The following NRSN1 variants were observed in gnomAD, a reference collection of about 807,000 sequenced individuals.
NRSN1 encodes neurensin 1.
Under a neutral mutation model 17.3 loss-of-function variants are expected in NRSN1, and 14 were observed. The ratio of observed to expected loss-of-function variants is 0.81; its 90% confidence interval spans 0.54 to 1.27. The LOEUF is 1.27. NRSN1 is among the 50% of genes most tolerant of loss of function. The probability of loss-of-function intolerance (pLI) is 0.00; values close to 1 mark genes in which losing one functional copy is unlikely to be tolerated. For missense variants in NRSN1, 209 were observed against 235.9 expected (o/e 0.89, Z 0.75); for synonymous variants, 79 against 94.2 (o/e 0.84, Z 0.93).
At chr6:24,132,725 G>A (rs149588062) in intron 2 of NRSN1, among the ~76,000 whole-genome samples, 19 of 152,096 alleles carry the variant, frequency 1.2e-4, no homozygotes, top group South Asian at 6.3e-4. Flanking sequence ...TGTGCAGAAC[G>A]TACAGGCTTG....
intron 2 of NRSN1, among the ~76,000 whole-genome samples, chr6:24,134,004 TTG>T (rs71002461): frequency 0.026 from 3,419 of 132,894 alleles, 56 homozygotes; most frequent in African/African-American, 0.045. Context: ...ACCCAGCTAA[TTG>T]TGTGTGTGTG....
Position 24,146,058 on chromosome 6 carries a change from G to C in NRSN1, c.*112G>C. On this transcript the variant is annotated 3_prime_UTR_variant, in exon 4 of 4. Coordinates refer to ENST00000378491, the MANE Select transcript of NRSN1 (RefSeq NM_080723.5). ...GTTGACTGCCCTAGGGCTGTGTTCA[G>C]CTGTGGGCAATATAATGGGTGGACT... 8.9e-7 allele frequency: 1 copy of C among 1,118,752 alleles called. No homozygotes were observed. Among genetic ancestry groups the C allele is most frequent in the Non-Finnish European group, 1.4e-6 (1 of 733,616 alleles). 69.3% of individuals were successfully genotyped at this position (1,118,752 alleles called of 1,614,324 possible).
chr6:24,129,065 A>G (rs2113710690), intron 2 of NRSN1: 1 of 152,370 alleles, frequency 6.6e-6, no homozygotes, highest in Non-Finnish European at 1.5e-5. Flanking sequence ...TTAAATTTCC[A>G]ACACATTGAT....
chr6:24,132,688 ATAT>A (rs1449967438), intron 2 of NRSN1, among the ~76,000 whole-genome samples: 1 of 152,116 alleles, frequency 6.6e-6, no homozygotes, highest in Non-Finnish European at 1.5e-5. Context: ...CCACTTTTTA[ATAT>A]TATACTTTAA....
At chr6:24,134,907 G>C (rs1365805295) in intron 3 of NRSN1, among the ~76,000 whole-genome samples, 2 of 152,166 alleles carry the variant, frequency 1.3e-5, no homozygotes, top group Non-Finnish European at 2.9e-5. Context: ...GAAATCATTA[G>C]GTATTTAGAG....
At position 24,146,870 on chromosome 6, in the gene NRSN1, T is replaced by C. The variant is rs537118341; in HGVS notation, c.*924T>C. The C allele has an allele frequency of 3.3e-5, 5 of 152,408 alleles. No homozygotes were observed. The highest frequency in any genetic ancestry group is 2.0e-4 in the Admixed American group (3 of 15,296). 9.4% of individuals were successfully genotyped at this position (152,408 alleles called of 1,614,324 possible). The stretch of plus-strand genomic sequence containing the variant: ...TACTACCTGTGTGATCTTGGGGAAA[T>C]TATTTAACCTCTCAGTCCTAATTTT... On this transcript the variant is annotated 3_prime_UTR_variant, in exon 4 of 4. Coordinates refer to ENST00000378491, the MANE Select transcript of NRSN1 (RefSeq NM_080723.5).
intron 1 of NRSN1, among the ~76,000 whole-genome samples, chr6:24,127,622 GC>G (rs1561864549): frequency 6.6e-6 from 1 of 152,160 alleles, no homozygotes; most frequent in Admixed American, 6.5e-5. Flanking sequence ...GTAAAACTCA[GC>G]CTAATAAGTA....
chr6:24,129,175 T>G (rs1472200814), intron 2 of NRSN1: 1 of 152,254 alleles, frequency 6.6e-6, no homozygotes, highest in African/African-American at 2.4e-5. Context: ...GCATTTGTAC[T>G]CCCTTTACCT....
At position 24,145,990 on chromosome 6, in the gene NRSN1, G is replaced by C. The variant is rs1310717277; in HGVS notation, c.*44G>C. On this transcript the variant is annotated 3_prime_UTR_variant, in exon 4 of 4. Transcript: ENST00000378491. The surrounding 1 kb of genome is among the most constrained non-coding windows in gnomAD (Gnocchi z 4.4). ...TCTTCTTGTCTGATTTATGCCCGTG[G>C]TTAAAAAGAGCAGGCCAGTTTTCGA... The C allele has an allele frequency of 3.8e-6, 6 of 1,562,326 alleles. No individual in the cohort carries two copies. The highest frequency in any genetic ancestry group is 5.2e-6 in the Non-Finnish European group (6 of 1,151,644).
chr6:24,129,191 T>C (rs538667565), intron 2 of NRSN1: 1 of 152,368 alleles, frequency 6.6e-6, no homozygotes, highest in South Asian at 2.1e-4. Context: ...TACCTCTTGA[T>C]GATGCCCATT....
chr6:24,143,621 A>G (rs1229811430), intron 3 of NRSN1, among the ~76,000 whole-genome samples: 1 of 152,238 alleles, frequency 6.6e-6, no homozygotes, highest in Non-Finnish European at 1.5e-5. Context: ...AATTAAGAAC[A>G]GAAGGAAAGG....
chr6:24,143,130 G>T (rs900005816), intron 3 of NRSN1, among the ~76,000 whole-genome samples: 1 of 152,106 alleles, frequency 6.6e-6, no homozygotes, highest in Non-Finnish European at 1.5e-5. Context: ...GCACTGATTG[G>T]TGTGTTTACA....
At chr6:24,129,486 A>G (rs946158904) in intron 2 of NRSN1, 2 of 152,230 alleles carry the variant, frequency 1.3e-5, no homozygotes, top group Admixed American at 1.3e-4. Flanking sequence ...ACACTCTATC[A>G]TGTATATGGT....
intron 1 of NRSN1, 61 bp from the exon 2 acceptor site, chr6:24,128,067 G>A (rs1375566148): frequency 6.6e-6 from 1 of 152,116 alleles, no homozygotes; most frequent in Non-Finnish European, 1.5e-5. Context: ...TTATATGAAT[G>A]ACTTATGAAA....
In NRSN1 at chr6:24,145,429, G is replaced by A; in HGVS notation, c.190-119G>A. The A allele has an allele frequency of 1.5e-6, 1 of 677,858 alleles. No homozygotes were observed. Among genetic ancestry groups the A allele is most frequent in the Non-Finnish European group, 2.3e-6 (1 of 426,732 alleles). 42.0% of individuals were successfully genotyped at this position (677,858 alleles called of 1,614,324 possible). ...TAAGTAAGTGTTTCCTGCAAATTTG[G>A]GGTAACTGGGAATATTCATTTCTCT... On this transcript the variant is annotated intron_variant, in intron 3 of 3. Transcript: ENST00000378491. This position sits in a 1 kb window ranked among gnomAD's most constrained non-coding sequence, Gnocchi z 4.4.
chr6:24,140,421 G>A (rs1366767840), intron 3 of NRSN1, among the ~76,000 whole-genome samples: 2 of 152,116 alleles, frequency 1.3e-5, no homozygotes, highest in Non-Finnish European at 2.9e-5. Flanking sequence ...CTCGATTATC[G>A]CCAGGCATCG....
In NRSN1 at chr6:24,145,774, T is replaced by C; in HGVS notation, c.416T>C (p.Phe139Ser). The change falls in exon 4 of 4, where the codon TTT (phenylalanine) becomes TCT (serine). Residue 139 changes from phenylalanine to serine, a missense_variant. Transcript: ENST00000378491. This position sits in a 1 kb window ranked among gnomAD's most constrained non-coding sequence, Gnocchi z 4.4. ...GCAGGGTGCCTGCTGATGTCGGTGT[T>C]TGTAAAGAGCTACTCCAAAGAAGAA... ...SMAGCLLMSV[F>S]VKSYSKEEKF... The C allele has an allele frequency of 6.2e-7, 1 of 1,614,162 alleles. No homozygotes were observed.
Position 24,145,499 on chromosome 6 carries a change from C to T in NRSN1, c.190-49C>T, listed in dbSNP as rs940467195. ...TGCCCTTGAGGGCTCAGGGGCGAGC[C>T]GAAGCACCTTCCTCACTCTATCTTG... On this transcript the variant is annotated intron_variant, in intron 3 of 3. Coordinates refer to ENST00000378491, the MANE Select transcript of NRSN1 (RefSeq NM_080723.5). This position sits in a 1 kb window ranked among gnomAD's most constrained non-coding sequence, Gnocchi z 4.4. 3.4e-6 allele frequency: 5 copies of T among 1,466,980 alleles called. No homozygotes were observed. The highest frequency in any genetic ancestry group is 1.4e-5 in the African/African-American group (1 of 70,384). The allele number at this position is 1,466,980 out of a possible 1,614,324, so 90.9% of individuals were successfully genotyped here.
intron 2 of NRSN1, chr6:24,128,912 C>T (rs1759990622): frequency 6.6e-6 from 1 of 152,216 alleles, no homozygotes; most frequent in South Asian, 2.1e-4. Context: ...TGCCTCTCTT[C>T]TCTCAAGGAG....
Sources: allele counts gnomAD v4.1 joint callset (sites outside exome capture counted in the v4.1 genomes callset), GRCh38; gene constraint gnomAD v4.1.1; non-coding constraint Gnocchi (gnomAD v3.1); transcripts MANE v1.5; gene names NCBI Gene and HGNC (gene_info 2026-07-23, HGNC 2026-07-21).